The following PRLR variants were observed in gnomAD, a reference collection of about 807,000 sequenced individuals.
PRLR encodes the protein prolactin receptor, also known as hPRL receptor.
PRLR carries 13 observed loss-of-function variants against 40.2 expected under a neutral mutation model. The ratio of observed to expected loss-of-function variants is 0.32; its 90% CI spans 0.21 to 0.51. The LOEUF is 0.51. Among genes scored for constraint, PRLR ranks in the 20% least tolerant of loss-of-function variants. PRLR has a pLI of 0.97. For missense variants in PRLR, 656 were observed against 747.3 expected (o/e 0.88, Z 1.42); for synonymous variants, 269 against 278.7 (o/e 0.97, Z 0.35).
At chr5:35,138,571 G>A (rs564727214) in intron 1 of PRLR, among the ~76,000 whole-genome samples, 55 of 152,356 alleles carry the variant, frequency 3.6e-4, no homozygotes, top group Middle Eastern at 6.8e-3. Context: ...AAGCCAGTGA[G>A]ATTCAACTGT....
At chr5:35,070,384 G>C in intron 6 of PRLR, 119 bp from the exon 7 acceptor site, 2 of 1,076,268 alleles carry the variant, frequency 1.9e-6, no homozygotes, top group Non-Finnish European at 2.7e-6. Flanking sequence ...ATTCCCTGCT[G>C]TCACTACTCC....
chr5:35,178,669 GAGA>G (rs1775211970), intron 1 of PRLR, among the ~76,000 whole-genome samples: 1 of 152,148 alleles, frequency 6.6e-6, no homozygotes, highest in South Asian at 2.1e-4. Flanking sequence ...TAGTCTGTTA[GAGA>G]AGATTTCTGT....
intron 2 of PRLR, among the ~76,000 whole-genome samples, chr5:35,099,774 C>G (rs1771753308): frequency 6.6e-6 from 1 of 151,598 alleles, no homozygotes; most frequent in Non-Finnish European, 1.5e-5. Context: ...AAAAGTAAAA[C>G]AAAAAAACTT....
chr5:35,109,946 A>G (rs911456914), intron 2 of PRLR, among the ~76,000 whole-genome samples: 1 of 152,266 alleles, frequency 6.6e-6, no homozygotes, highest in African/African-American at 2.4e-5. Flanking sequence ...TATTCACAAT[A>G]GCAAAGGCTT....
chr5:35,109,366 T>C (rs1001402172), intron 2 of PRLR, among the ~76,000 whole-genome samples: 10 of 152,106 alleles, frequency 6.6e-5, no homozygotes, highest in Non-Finnish European at 1.0e-4. Context: ...AATTGACAAA[T>C]GGGATCTAAT....
At chr5:35,225,095 C>T (rs528284876) in intron 1 of PRLR, among the ~76,000 whole-genome samples, 1 of 152,252 alleles carries the variant, frequency 6.6e-6, no homozygotes, top group South Asian at 2.1e-4. Context: ...TAGTTGTCTC[C>T]TCGTCTGATT....
At chr5:35,221,303 G>A (rs189521780) in intron 1 of PRLR, among the ~76,000 whole-genome samples, 1 of 152,320 alleles carries the variant, frequency 6.6e-6, no homozygotes, top group East Asian at 1.9e-4. Flanking sequence ...ATAGGTGGCA[G>A]GAAAGCTTAA....
At chr5:35,136,657 C>T (rs978885586) in intron 1 of PRLR, among the ~76,000 whole-genome samples, 1 of 152,136 alleles carries the variant, frequency 6.6e-6, no homozygotes, top group Admixed American at 6.6e-5. Flanking sequence ...AGGCCCAGTT[C>T]CTATTCGTTT....
At chr5:35,220,061 G>C (rs757048937) in intron 1 of PRLR, among the ~76,000 whole-genome samples, 1 of 152,018 alleles carries the variant, frequency 6.6e-6, no homozygotes, top group Non-Finnish European at 1.5e-5. Flanking sequence ...TTGTACTTCC[G>C]ATCAGCCTCC....
intron 2 of PRLR, among the ~76,000 whole-genome samples, chr5:35,103,938 TATA>T (rs1252239063): frequency 6.6e-6 from 1 of 152,198 alleles, no homozygotes; most frequent in Non-Finnish European, 1.5e-5. Context: ...AAGATCCTAT[TATA>T]ATATTTTCCT....
chr5:35,156,553 C>G (rs2111886953), intron 1 of PRLR, among the ~76,000 whole-genome samples: 1 of 152,320 alleles, frequency 6.6e-6, no homozygotes, highest in East Asian at 1.9e-4. Context: ...CCTACCAACA[C>G]TTTCCTCACA....
chr5:35,194,022 G>A (rs965510270), intron 1 of PRLR, among the ~76,000 whole-genome samples: 14 of 152,162 alleles, frequency 9.2e-5, no homozygotes, highest in Non-Finnish European at 1.6e-4. Context: ...TGGCAAAGTG[G>A]TGAATTCCTG....
chr5:35,131,512 C>T (rs527248108), intron 1 of PRLR, among the ~76,000 whole-genome samples: 2 of 152,148 alleles, frequency 1.3e-5, no homozygotes, highest in African/African-American at 4.8e-5. Flanking sequence ...GTTTATAAAA[C>T]ATTTTCACTT....
chr5:35,056,322 G>C lies in PRLR; in HGVS notation c.*8767C>G, dbSNP rs1768713631. ...TCAGTTTCATCTGCATAGTTTCGAG[G>C]GACTTTCAAAGGTGAAGCCAGCAGG... On this transcript the variant is annotated 3_prime_UTR_variant, in exon 10 of 10. Transcript: ENST00000618457. The C allele has an allele frequency of 6.6e-6, 1 of 152,016 alleles. No homozygotes were observed. The highest frequency in any genetic ancestry group is 2.1e-4 in the South Asian group (1 of 4,814). The allele number at this position is 152,016 out of a possible 1,614,324, so 9.4% of individuals were successfully genotyped here.
At position 35,084,685 on chromosome 5, in the gene PRLR, G is replaced by A. The variant is rs757562299; in HGVS notation, c.204-46C>T. The stretch of plus-strand genomic sequence containing the variant: ...GGAATGAATAAGAAAGTAATAAAGA[G>A]AGTCTAGTTTTTTTCTTCATAGATC... On this transcript the variant is annotated intron_variant, in intron 4 of 9. Transcript: ENST00000618457. 5.8e-6 allele frequency: 9 copies of A among 1,563,932 alleles called. No individual in the cohort carries two copies. The Admixed American group carries it at 1.7e-4, about 30-fold the overall frequency.
chr5:35,131,912 A>C (rs1773695760), intron 1 of PRLR, among the ~76,000 whole-genome samples: 1 of 152,188 alleles, frequency 6.6e-6, no homozygotes, highest in South Asian at 2.1e-4. Flanking sequence ...CACTAGAAAG[A>C]GTTTTAAGAA....
At chr5:35,229,429 C>T (rs1776637707) in intron 1 of PRLR, among the ~76,000 whole-genome samples, 2 of 152,132 alleles carry the variant, frequency 1.3e-5, no homozygotes, top group South Asian at 4.1e-4. Flanking sequence ...CCCCAGGATA[C>T]AGGTAGAGGT....
At chr5:35,068,401 G>A (rs1769515326) in intron 8 of PRLR, 116 bp from the exon 9 acceptor site, 1 of 857,484 alleles carries the variant, frequency 1.2e-6, no homozygotes, top group Non-Finnish European at 1.9e-6. Context: ...TGGTTTGGCA[G>A]CTCCATGAAA....
chr5:35,213,568 G>A (rs1418761507), intron 1 of PRLR, among the ~76,000 whole-genome samples: 3 of 151,964 alleles, frequency 2.0e-5, no homozygotes, highest in Admixed American at 6.5e-5. Context: ...ACAAATGAAC[G>A]TTTCCTTTCT....
Sources: allele counts gnomAD v4.1 joint callset (sites outside exome capture counted in the v4.1 genomes callset), GRCh38; gene constraint gnomAD v4.1.1; transcripts MANE v1.5; gene names NCBI Gene and HGNC (gene_info 2026-07-23, HGNC 2026-07-21).